Variants in GRK5 observed in about 807,000 individuals in gnomAD.
GRK5 encodes G protein-coupled receptor kinase 5.
A neutral mutation model predicts 78.4 loss-of-function variants in GRK5; 40 were observed. That is an observed-to-expected ratio of 0.51 (90% CI 0.40 to 0.66). The LOEUF (loss-of-function observed/expected upper bound fraction) is 0.66. Ranked by LOEUF, GRK5 falls within the 30% of genes least tolerant of loss-of-function variation. The pLI is 0.00. For missense variants in GRK5, 598 were observed against 759.9 expected, an observed-to-expected ratio of 0.79 and a Z score of 2.50; for synonymous variants, 289 against 296.8, an observed-to-expected ratio of 0.97 and a Z score of 0.27.
intron 8 of GRK5, among the ~76,000 whole-genome samples, chr10:119,432,026 C>T (rs1442541286): frequency 1.3e-5 from 2 of 152,232 alleles, no homozygotes; most frequent in Admixed American, 6.5e-5. Flanking sequence ...AGCAGAGGTT[C>T]ATCTGTCACT....
intron 2 of GRK5, among the ~76,000 whole-genome samples, chr10:119,348,752 G>A (rs527675139): frequency 2.3e-4 from 35 of 152,194 alleles, no homozygotes; most frequent in South Asian, 4.1e-4. Flanking sequence ...ATGCTGAGGC[G>A]GGCCACCAGT....
At chr10:119,222,019 G>A (rs1029937073) in intron 1 of GRK5, among the ~76,000 whole-genome samples, 3 of 152,162 alleles carry the variant, frequency 2.0e-5, no homozygotes, top group African/African-American at 4.8e-5. Context: ...CAGAAAACAA[G>A]CCCACAGCTT....
At chr10:119,348,117 T>A (rs1301933257) in intron 2 of GRK5, among the ~76,000 whole-genome samples, 1 of 152,246 alleles carries the variant, frequency 6.6e-6, no homozygotes, top group Non-Finnish European at 1.5e-5. Context: ...AGGTGCTTGC[T>A]ATGTGTGTTG....
chr10:119,208,046 G>C, intron 1 of GRK5, 77 bp downstream of exon 1: 2 of 1,417,588 alleles, frequency 1.4e-6, no homozygotes, highest in Non-Finnish European at 1.9e-6. Flanking sequence ...GTGCGGGCTG[G>C]GGCTGCGCCC....
intron 1 of GRK5, among the ~76,000 whole-genome samples, chr10:119,232,576 G>A (rs1216697528): frequency 6.6e-6 from 1 of 152,108 alleles, no homozygotes; most frequent in Non-Finnish European, 1.5e-5. Context: ...ATTGAATCAT[G>A]GGGGGCAGGT....
chr10:119,255,527 A>AG (rs1253631865), intron 1 of GRK5, among the ~76,000 whole-genome samples: 8 of 152,286 alleles, frequency 5.3e-5, no homozygotes, highest in African/African-American at 1.7e-4. Flanking sequence ...TCTTCCCCAG[A>AG]TGCTCACTTT....
At chr10:119,444,191 G>A (rs969334065) in intron 12 of GRK5, among the ~76,000 whole-genome samples, 1 of 152,168 alleles carries the variant, frequency 6.6e-6, no homozygotes, top group African/African-American at 2.4e-5. Context: ...TACAGGGGGT[G>A]GGGGCGACGA....
chr10:119,297,316 A>G (rs936695888), intron 1 of GRK5, among the ~76,000 whole-genome samples: 1 of 152,236 alleles, frequency 6.6e-6, no homozygotes, highest in Non-Finnish European at 1.5e-5. Context: ...ATGTTAGTGC[A>G]GTTGTTCCCA....
chr10:119,429,373 G>T (rs1010921513), intron 6 of GRK5, among the ~76,000 whole-genome samples: 3 of 145,440 alleles, frequency 2.1e-5, no homozygotes, highest in African/African-American at 7.7e-5. Context: ...AGTTCTGCTC[G>T]ATCCAACCCC....
intron 1 of GRK5, among the ~76,000 whole-genome samples, chr10:119,307,024 C>T (rs1056405533): frequency 1.3e-5 from 2 of 152,136 alleles, no homozygotes; most frequent in Admixed American, 1.3e-4. Context: ...AGGTTCCTCT[C>T]AGCTCTGATG....
chr10:119,313,947 G>C lies in GRK5; in HGVS notation c.53-12569G>C, dbSNP rs185382973. 7.6e-3 allele frequency among the ~76,000 whole-genome samples: 1,153 copies of C among 152,338 alleles called. 14 individuals carry two copies. The highest frequency in any genetic ancestry group is 0.011 in the Admixed American group (174 of 15,308). Reference sequence around the variant, plus strand: ...GAGGGGCCTGGAGGTGCTGGCACCTGCCCACAGACCGCAGGCCCCAGATGC... The same window carrying C: ...GAGGGGCCTGGAGGTGCTGGCACCTCCCCACAGACCGCAGGCCCCAGATGC... On this transcript the variant is annotated intron_variant, in intron 1 of 15. Transcript: ENST00000392870.
intron 2 of GRK5, among the ~76,000 whole-genome samples, chr10:119,380,300 T>C (rs75044513): frequency 0.072 from 11,010 of 152,242 alleles, 594 homozygotes; most frequent in East Asian, 0.24. Flanking sequence ...ACCTCCTTGA[T>C]GTGTCAGGCT....
At chr10:119,313,095 GTGA>G (rs1850408590) in intron 1 of GRK5, among the ~76,000 whole-genome samples, 3 of 148,786 alleles carry the variant, frequency 2.0e-5, no homozygotes, top group Non-Finnish European at 4.5e-5. Context: ...GGTGATGGTG[GTGA>G]TGGTAATGAT....
chr10:119,449,576 G>A (rs535569959), intron 13 of GRK5, among the ~76,000 whole-genome samples: 12 of 152,220 alleles, frequency 7.9e-5, no homozygotes, highest in Admixed American at 2.6e-4. Flanking sequence ...TGAGGCAGTC[G>A]GGTTAGGAGT....
At chr10:119,346,209 T>C (rs1167618530) in intron 2 of GRK5, among the ~76,000 whole-genome samples, 1 of 151,802 alleles carries the variant, frequency 6.6e-6, no homozygotes, top group Non-Finnish European at 1.5e-5. Context: ...AGGGAATCAG[T>C]GAGGAAGGGG....
chr10:119,291,851 CCTT>C (rs1413619279), intron 1 of GRK5, among the ~76,000 whole-genome samples: 2 of 150,654 alleles, frequency 1.3e-5, no homozygotes, highest in African/African-American at 2.4e-5. Context: ...TCATTCTCTT[CCTT>C]CTTCTCCTTT....
intron 1 of GRK5, among the ~76,000 whole-genome samples, chr10:119,290,220 G>A (rs1849925731): frequency 6.6e-6 from 1 of 151,902 alleles, no homozygotes; most frequent in Admixed American, 6.6e-5. Flanking sequence ...GTTGGCGGGT[G>A]CCTGTAGTCC....
At chr10:119,356,448 TTA>T (rs1851263087) in intron 2 of GRK5, among the ~76,000 whole-genome samples, 1 of 152,194 alleles carries the variant, frequency 6.6e-6, no homozygotes, top group Admixed American at 6.5e-5. Context: ...TCCCAGAATT[TTA>T]TGTTTTTACC....
intron 1 of GRK5, among the ~76,000 whole-genome samples, chr10:119,246,266 T>A (rs1266160417): frequency 6.6e-6 from 1 of 152,162 alleles, no homozygotes; most frequent in Non-Finnish European, 1.5e-5. Flanking sequence ...GGATTACTTA[T>A]AATACCTCAT....
Sources: allele counts gnomAD v4.1 joint callset (sites outside exome capture counted in the v4.1 genomes callset), GRCh38; gene constraint gnomAD v4.1.1; transcripts MANE v1.5; gene names NCBI Gene and HGNC (gene_info 2026-07-23, HGNC 2026-07-21).